The following HSD17B2 variants were observed in gnomAD, a reference collection of about 807,000 sequenced individuals.
HSD17B2 encodes the protein hydroxysteroid 17-beta dehydrogenase 2, also known as 17-beta-hydroxysteroid dehydrogenase type 2.
In HSD17B2, 32 loss-of-function variants were observed where a neutral mutation model predicts 26.9. The ratio of observed to expected loss-of-function variants is 1.19; its 90% CI spans 0.90 to 1.60. The LOEUF is 1.60. HSD17B2 is among the 40% of genes most tolerant of loss of function. The pLI, the probability that HSD17B2 is intolerant of heterozygous loss-of-function variation, is 0.00. For synonymous variants in HSD17B2, 246 were observed against 186.7 expected, an observed-to-expected ratio of 1.32 and a Z score of -2.59; for missense variants, 613 against 468.6, an observed-to-expected ratio of 1.31 and a Z score of -2.85.
At chr16:82,061,519 T>G (rs151137162) in intron 1 of HSD17B2, among the ~76,000 whole-genome samples, 3 of 152,174 alleles carry the variant, frequency 2.0e-5, no homozygotes, top group Admixed American at 6.5e-5. Context: ...CAGGTTATCA[T>G]CATTTCTCTT....
At chr16:82,048,894 G>C (rs1338153648) in intron 1 of HSD17B2, among the ~76,000 whole-genome samples, 1 of 152,214 alleles carries the variant, frequency 6.6e-6, no homozygotes, top group Non-Finnish European at 1.5e-5. Context: ...AATGCTTAGT[G>C]TTGAGCCTGG....
intron 1 of HSD17B2, among the ~76,000 whole-genome samples, chr16:82,038,411 A>T (rs1172201875): frequency 2.6e-5 from 4 of 152,064 alleles, no homozygotes; most frequent in African/African-American, 9.7e-5. Context: ...GTGCAGTGGC[A>T]TGATCTCAGC....
chr16:82,082,808 G>A (rs1053717602), intron 3 of HSD17B2, among the ~76,000 whole-genome samples: 1 of 152,138 alleles, frequency 6.6e-6, no homozygotes, highest in African/African-American at 2.4e-5. Context: ...GGCATTTGTT[G>A]AATGCTCTCA....
At chr16:82,076,337 A>G (rs781371715) in intron 3 of HSD17B2, among the ~76,000 whole-genome samples, 1 of 152,202 alleles carries the variant, frequency 6.6e-6, no homozygotes, top group African/African-American at 2.4e-5. Flanking sequence ...CACGACAAGG[A>G]TGCCCACTTT....
chr16:82,090,162 C>T (rs1904641919), intron 3 of HSD17B2: 1 of 920,784 alleles, frequency 1.1e-6, no homozygotes, highest in Non-Finnish European at 1.3e-6. Context: ...TGTTCGATTA[C>T]AGGTGCTGTA....
intron 3 of HSD17B2, among the ~76,000 whole-genome samples, chr16:82,088,777 G>A (rs1293292289): frequency 6.7e-6 from 1 of 149,510 alleles, no homozygotes; most frequent in Non-Finnish European, 1.5e-5. Context: ...AGTTTAATGA[G>A]AGTCTGCTTG....
chr16:82,082,302 C>T (rs938347872), intron 3 of HSD17B2, among the ~76,000 whole-genome samples: 1 of 152,042 alleles, frequency 6.6e-6, no homozygotes, highest in Non-Finnish European at 1.5e-5. Flanking sequence ...CTCATTTGGG[C>T]AGAGGTAGCC....
At chr16:82,096,107 T>A (rs1904830855) in intron 4 of HSD17B2, 1 of 152,216 alleles carries the variant, frequency 6.6e-6, no homozygotes, top group African/African-American at 2.4e-5. Context: ...TAATTGCATG[T>A]AGTTTGTGTA....
Position 82,089,597 on chromosome 16 carries a change from T to C in HSD17B2, c.665-1305T>C, listed in dbSNP as rs8191210. On this transcript the variant is annotated intron_variant, in intron 3 of 4. Transcript: ENST00000199936. ...GAGTGGCTTAAAACATCAGAAATTTTTTCTTTCGTAGTTCTGGAGGCCAGA... is the reference window on the plus strand; with the variant it reads ...GAGTGGCTTAAAACATCAGAAATTTCTTCTTTCGTAGTTCTGGAGGCCAGA... Among the ~76,000 whole-genome samples the C allele has an allele frequency of 7.8e-3, 1,194 of 152,316 alleles. 14 individuals are homozygous for C. Among genetic ancestry groups the C allele is most frequent in the Non-Finnish European group, 0.013 (861 of 68,016 alleles).
chr16:82,095,377 G>C (rs1354113197), intron 4 of HSD17B2: 2 of 152,476 alleles, frequency 1.3e-5, no homozygotes, highest in Non-Finnish European at 2.9e-5. Context: ...ACATTTCCAA[G>C]TGAGCATCCC....
chr16:82,070,214 T>C (rs961305462), intron 2 of HSD17B2, among the ~76,000 whole-genome samples: 1 of 152,130 alleles, frequency 6.6e-6, no homozygotes, highest in African/African-American at 2.4e-5. Flanking sequence ...CTCTACCACC[T>C]AACCAGTCAT....
intron 3 of HSD17B2, among the ~76,000 whole-genome samples, chr16:82,084,392 C>A (rs1904463963): frequency 6.6e-6 from 1 of 151,966 alleles, no homozygotes; most frequent in South Asian, 2.1e-4. Flanking sequence ...CAAAATCACC[C>A]CCAGTTGAAA....
chr16:82,069,195 G>A (rs1051776354), intron 2 of HSD17B2, among the ~76,000 whole-genome samples: 9 of 152,310 alleles, frequency 5.9e-5, no homozygotes, highest in Non-Finnish European at 1.2e-4. Context: ...TTAGTTTGCT[G>A]AGGATAATGG....
At chr16:82,069,062 C>T (rs1914637908) in intron 2 of HSD17B2, among the ~76,000 whole-genome samples, 1 of 152,186 alleles carries the variant, frequency 6.6e-6, no homozygotes, top group African/African-American at 2.4e-5. Flanking sequence ...TCCTGATGCT[C>T]TACCTCCCCT....
At chr16:82,077,380 C>A (rs1904308013) in intron 3 of HSD17B2, among the ~76,000 whole-genome samples, 1 of 152,252 alleles carries the variant, frequency 6.6e-6, no homozygotes, top group South Asian at 2.1e-4. Flanking sequence ...ATGGTGAACT[C>A]ATTTTCAACA....
chr16:82,098,270 G>C lies in HSD17B2; in HGVS notation c.998G>C (p.Ser333Thr), dbSNP rs752249925. 2 of 1,614,204 alleles carry C rather than the reference G, an allele frequency of 1.2e-6. No homozygotes were observed. The highest frequency in any genetic ancestry group is 1.7e-6 in the Non-Finnish European group (2 of 1,180,024). The change falls in exon 5 of 5, where the codon AGC (serine) becomes ACC (threonine). Residue 333 changes from serine (S) to threonine (T), a missense_variant. Ser to Thr is a moderately conservative substitution (Grantham distance 58). Coordinates refer to ENST00000199936, the MANE Select transcript of HSD17B2 (RefSeq NM_002153.3). ...ATCCAGCATGCTATCTTGGCGAAGAGCCCTTTTGCCTATTACACGCCAGGG... is the reference window on the plus strand; with the variant it reads ...ATCCAGCATGCTATCTTGGCGAAGACCCCTTTTGCCTATTACACGCCAGGG... ...RDIQHAILAK[S>T]PFAYYTPGKG... is the part of the protein sequence containing the mutation.
At chr16:82,097,303 T>TAATGTGTATATATATATACAC (rs1904875280) in intron 4 of HSD17B2, 3 of 151,480 alleles carry the variant, frequency 2.0e-5, no homozygotes, top group Admixed American at 2.0e-4. Flanking sequence ...TATATATATA[T>TAATGTGTATATATATATACAC]ACACATATAT....
chr16:82,053,825 T>C (rs1597124258), intron 1 of HSD17B2, among the ~76,000 whole-genome samples: 2 of 152,214 alleles, frequency 1.3e-5, no homozygotes, highest in Admixed American at 6.5e-5. Context: ...ACATGGATGG[T>C]ACTGGACTGG....
intron 1 of HSD17B2, among the ~76,000 whole-genome samples, chr16:82,053,829 G>C (rs968742152): frequency 6.6e-6 from 1 of 152,190 alleles, no homozygotes; most frequent in African/African-American, 2.4e-5. Flanking sequence ...GGATGGTACT[G>C]GACTGGTAGA....
Sources: allele counts gnomAD v4.1 joint callset (sites outside exome capture counted in the v4.1 genomes callset), GRCh38; gene constraint gnomAD v4.1.1; transcripts MANE v1.5; gene names NCBI Gene and HGNC (gene_info 2026-07-23, HGNC 2026-07-21).